Variants in MLLT3 observed in about 807,000 individuals in gnomAD.
MLLT3 encodes the protein protein AF-9.
Under a neutral mutation model 53.2 loss-of-function variants are expected in MLLT3, and 4 were observed. The ratio of observed to expected loss-of-function variants is 0.08; its 90% CI spans 0.04 to 0.17. The LOEUF (loss-of-function observed/expected upper bound fraction) is 0.17, where lower values mean the gene tolerates loss of function less well. Among genes scored for constraint, MLLT3 ranks in the 10% least tolerant of loss-of-function variants. The probability of loss-of-function intolerance (pLI) is 1.00; values close to 1 mark genes in which losing one functional copy is unlikely to be tolerated. For synonymous variants in MLLT3, 283 were observed against 230.6 expected (o/e 1.23, Z -2.06); for missense variants, 569 against 684.0 (o/e 0.83, Z 1.87).
intron 4 of MLLT3, among the ~76,000 whole-genome samples, chr9:20,435,752 G>A (rs1345133437): frequency 6.6e-6 from 1 of 152,006 alleles, no homozygotes; most frequent in East Asian, 1.9e-4. Flanking sequence ...TTTTGTATAG[G>A]GAACTTCAAT....
chr9:20,608,756 G>T (rs570618011), intron 2 of MLLT3, among the ~76,000 whole-genome samples: 1 of 151,938 alleles, frequency 6.6e-6, no homozygotes, highest in Non-Finnish European at 1.5e-5. Flanking sequence ...TATTGTAAAT[G>T]TGCCCATACA....
intron 5 of MLLT3, among the ~76,000 whole-genome samples, chr9:20,368,902 GC>G (rs1821523132): frequency 6.6e-6 from 1 of 152,186 alleles, no homozygotes; most frequent in African/African-American, 2.4e-5. Flanking sequence ...TGTCCTGAAA[GC>G]TTTTAGTAGT....
chr9:20,351,275 A>G (rs1298378130), intron 10 of MLLT3, among the ~76,000 whole-genome samples: 1 of 152,204 alleles, frequency 6.6e-6, no homozygotes. Context: ...AAATTGCTAA[A>G]CTACTCTCTT....
chr9:20,433,872 T>A (rs1025359158), intron 4 of MLLT3, among the ~76,000 whole-genome samples: 10 of 151,788 alleles, frequency 6.6e-5, no homozygotes, highest in East Asian at 1.9e-4. Flanking sequence ...CCCAGCACTT[T>A]GGAAGGCCGA....
intron 2 of MLLT3, among the ~76,000 whole-genome samples, chr9:20,505,285 T>A (rs1417596277): frequency 6.6e-6 from 1 of 152,238 alleles, no homozygotes; most frequent in African/African-American, 2.4e-5. Context: ...ACATCATCCA[T>A]AAATGGCATA....
At chr9:20,597,335 T>C (rs1479880739) in intron 2 of MLLT3, among the ~76,000 whole-genome samples, 1 of 151,702 alleles carries the variant, frequency 6.6e-6, no homozygotes, top group Non-Finnish European at 1.5e-5. Flanking sequence ...TTAATACCAC[T>C]TATGTGCAAA....
At position 20,598,574 on chromosome 9, in the gene MLLT3, A is replaced by G. The variant is rs959851225; in HGVS notation, c.193+22080T>C. ...TAGTCATTCTTTAGGTGAGGACACT[A>G]CAGCCTTCAGTGAAGCACTGCTCAG... On this transcript the variant is annotated intron_variant, in intron 2 of 10. Coordinates refer to ENST00000380338, the MANE Select transcript of MLLT3 (RefSeq NM_004529.4). Among the ~76,000 whole-genome samples, 7 of 152,356 alleles carry G rather than the reference A, an allele frequency of 4.6e-5. 1 individual carries two copies. The highest frequency in any genetic ancestry group is 3.9e-4 in the Admixed American group (6 of 15,310).
In MLLT3 at chr9:20,620,293, A is replaced by ACACACGCG. The variant is rs1176274864; in HGVS notation, c.193+360_193+361insCGCGTGTG. On this transcript the variant is annotated intron_variant, in intron 2 of 10. Transcript: ENST00000380338. The surrounding 1 kb of genome is among the most constrained non-coding windows in gnomAD (Gnocchi z 6.1). ...CACACACACACACACACACACACAC[A>ACACACGCG]CGCGCAAAGTGTTTATTCCCTCCAG... is the stretch of plus-strand genomic sequence containing the variant. Among the ~76,000 whole-genome samples, 3 of 145,962 alleles carry ACACACGCG rather than the reference A, an allele frequency of 2.1e-5. No homozygotes were observed. The highest frequency in any genetic ancestry group is 7.5e-5 in the African/African-American group (3 of 39,816).
At chr9:20,609,512 C>A (rs1820649187) in intron 2 of MLLT3, among the ~76,000 whole-genome samples, 1 of 151,774 alleles carries the variant, frequency 6.6e-6, no homozygotes, top group African/African-American at 2.4e-5. Context: ...TTCAGAAAAG[C>A]AAATTAAGTG....
At chr9:20,477,885 T>C (rs1586979964) in intron 2 of MLLT3, among the ~76,000 whole-genome samples, 1 of 152,236 alleles carries the variant, frequency 6.6e-6, no homozygotes, top group Non-Finnish European at 1.5e-5. Flanking sequence ...TACGACTGTA[T>C]GTTTCACAGA....
Position 20,621,098 on chromosome 9 carries a change from C to A in MLLT3, c.13-264G>T. ...ATTGTAACGGAATGTTATCCCCAGT[C>A]GGGAAGGGGGTCGGGGAAAAGAGGG... On this transcript the variant is annotated intron_variant, in intron 1 of 10. Transcript: ENST00000380338. The surrounding 1 kb of genome is among the most constrained non-coding windows in gnomAD (Gnocchi z 7.0). 1 of 596,402 alleles carries A rather than the reference C, an allele frequency of 1.7e-6. No homozygotes were observed. Among genetic ancestry groups the A allele is most frequent in the Non-Finnish European group, 3.0e-6 (1 of 330,060 alleles). 36.9% of individuals were successfully genotyped at this position (596,402 alleles called of 1,614,324 possible).
intron 5 of MLLT3, among the ~76,000 whole-genome samples, chr9:20,375,417 T>C (rs1290067663): frequency 2.0e-5 from 3 of 152,138 alleles, no homozygotes; most frequent in African/African-American, 7.2e-5. Flanking sequence ...CTGCAGAAGA[T>C]GTAAGGAATA....
At chr9:20,622,096 G>A in intron 1 of MLLT3, 149 bp downstream of exon 1, 2 of 937,796 alleles carry the variant, frequency 2.1e-6, no homozygotes, top group Non-Finnish European at 3.1e-6. Context: ...GGGAGCGGAG[G>A]CTGAGGGAGA....
chr9:20,563,596 T>A (rs1029409658), intron 2 of MLLT3, among the ~76,000 whole-genome samples: 1 of 152,122 alleles, frequency 6.6e-6, no homozygotes, highest in African/African-American at 2.4e-5. Context: ...ACTGCTTTTC[T>A]GCCTTCCTGG....
intron 2 of MLLT3, among the ~76,000 whole-genome samples, chr9:20,490,232 C>A (rs1191827648): frequency 6.6e-6 from 1 of 152,154 alleles, no homozygotes; most frequent in Non-Finnish European, 1.5e-5. Context: ...AGGGATTCTG[C>A]AAATATAAGT....
At chr9:20,561,104 AC>A (rs1273044361) in intron 2 of MLLT3, among the ~76,000 whole-genome samples, 9 of 152,160 alleles carry the variant, frequency 5.9e-5, no homozygotes, top group African/African-American at 2.2e-4. Context: ...TGCCTCCTGT[AC>A]TTTTCTCCAG....
At chr9:20,455,963 G>T (rs1053214481) in intron 3 of MLLT3, among the ~76,000 whole-genome samples, 4 of 144,344 alleles carry the variant, frequency 2.8e-5, no homozygotes, top group Non-Finnish European at 4.5e-5. Flanking sequence ...AAAAATAATG[G>T]AGCCTCACTC....
At chr9:20,509,741 C>T (rs956037726) in intron 2 of MLLT3, among the ~76,000 whole-genome samples, 2 of 152,188 alleles carry the variant, frequency 1.3e-5, no homozygotes, top group African/African-American at 4.8e-5. Flanking sequence ...TTGTCTTACA[C>T]ATAGCCTTGA....
intron 2 of MLLT3, among the ~76,000 whole-genome samples, chr9:20,577,127 T>C (rs1417580601): frequency 6.6e-6 from 1 of 152,240 alleles, no homozygotes; most frequent in African/African-American, 2.4e-5. Flanking sequence ...TACCTGTCTC[T>C]TCTAAAATTA....
Sources: allele counts gnomAD v4.1 joint callset (sites outside exome capture counted in the v4.1 genomes callset), GRCh38; gene constraint gnomAD v4.1.1; non-coding constraint Gnocchi (gnomAD v3.1); transcripts MANE v1.5; gene names NCBI Gene and HGNC (gene_info 2026-07-23, HGNC 2026-07-21).